DNAJC24: variants seen among roughly 807,000 people sequenced by gnomAD.
DNAJC24 encodes the protein DnaJ heat shock protein family (Hsp40) member C24, also known as dnaJ homolog subfamily C member 24.
Under a neutral mutation model 18.0 loss-of-function variants are expected in DNAJC24, and 17 were observed. The observed-to-expected ratio is 0.94, with a 90% CI of 0.65 to 1.42. DNAJC24 has a LOEUF of 1.42. Among genes scored for constraint, DNAJC24 ranks in the 40% most tolerant of loss-of-function variants. DNAJC24 has a pLI of 0.00. For synonymous variants in DNAJC24, 55 were observed against 57.7 expected, an observed-to-expected ratio of 0.95 and a Z score of 0.21; for missense variants, 158 against 175.6, an observed-to-expected ratio of 0.90 and a Z score of 0.57.
At chr11:31,378,364 ACT>A (rs35361994) in intron 2 of DNAJC24, among the ~76,000 whole-genome samples, 15,011 of 152,114 alleles carry the variant, frequency 0.099, 2,058 homozygotes, top group African/African-American at 0.31. Flanking sequence ...TCATAGGGAG[ACT>A]CTATCATAAA....
intron 2 of DNAJC24, among the ~76,000 whole-genome samples, chr11:31,382,907 G>C (rs1201578172): frequency 6.6e-6 from 1 of 152,120 alleles, no homozygotes; most frequent in African/African-American, 2.4e-5. Context: ...CTGACTGGCT[G>C]TAAATCTGGG....
At chr11:31,418,260 C>G in intron 3 of DNAJC24, among the ~76,000 whole-genome samples, 1 of 152,050 alleles carries the variant, frequency 6.6e-6, no homozygotes, top group Non-Finnish European at 1.5e-5. Flanking sequence ...GGAGATTGAC[C>G]TACTGTTTAG....
intron 2 of DNAJC24, among the ~76,000 whole-genome samples, chr11:31,377,430 C>T (rs574604739): frequency 2.6e-5 from 4 of 152,166 alleles, no homozygotes; most frequent in Non-Finnish European, 5.9e-5. Flanking sequence ...ATACATATTA[C>T]ATATTATAGA....
At chr11:31,415,238 A>G in intron 3 of DNAJC24, 1 of 240,296 alleles carries the variant, frequency 4.2e-6, no homozygotes, top group Non-Finnish European at 8.0e-6. Flanking sequence ...TATGCTTTAT[A>G]TGTTTAAAAA....
chr11:31,410,027 G>T (rs1324825289), intron 2 of DNAJC24, among the ~76,000 whole-genome samples: 2 of 149,692 alleles, frequency 1.3e-5, no homozygotes, highest in African/African-American at 4.9e-5. Context: ...GGGACTACTG[G>T]TGCGTGCCAC....
intron 2 of DNAJC24, among the ~76,000 whole-genome samples, chr11:31,383,212 AT>A (rs1265607041): frequency 6.6e-6 from 1 of 151,638 alleles, no homozygotes; most frequent in Non-Finnish European, 1.5e-5. Flanking sequence ...GCTGCTGGTG[AT>A]CTGCTCAACC....
intron 2 of DNAJC24, among the ~76,000 whole-genome samples, chr11:31,398,823 A>T (rs1952570191): frequency 6.6e-6 from 1 of 152,206 alleles, no homozygotes; most frequent in Non-Finnish European, 1.5e-5. Flanking sequence ...GAGCCCCTCT[A>T]TAGGATCTGT....
At chr11:31,428,420 G>C (rs1161135435) in intron 4 of DNAJC24, among the ~76,000 whole-genome samples, 1 of 152,128 alleles carries the variant, frequency 6.6e-6, no homozygotes, top group African/African-American at 2.4e-5. Context: ...TGGAAGTTTT[G>C]AGCTAAATTT....
intron 2 of DNAJC24, among the ~76,000 whole-genome samples, chr11:31,376,080 G>GTGATGC (rs1381775318): frequency 0.15 from 21,719 of 141,844 alleles, 3,932 homozygotes; most frequent in Non-Finnish European, 0.22. Context: ...CCCCCATATT[G>GTGATGC]TTCTCCTCAT....
In DNAJC24 at chr11:31,418,150, A is replaced by C. The variant is rs72889909; in HGVS notation, c.250+3201A>C. ...ATCAATTAGTTCTAGTTGGCATATT[A>C]AACTTATTGTTTCTGAGGATGCCTC... On this transcript the variant is annotated intron_variant, in intron 3 of 4. Transcript: ENST00000465995. 4.0e-3 allele frequency among the ~76,000 whole-genome samples: 607 copies of C among 152,220 alleles called. 2 individuals are homozygous for C. The highest frequency in any genetic ancestry group is 7.0e-3 in the South Asian group (34 of 4,832).
chr11:31,379,073 T>C (rs2133468860), intron 2 of DNAJC24, among the ~76,000 whole-genome samples: 1 of 152,228 alleles, frequency 6.6e-6, no homozygotes, highest in African/African-American at 2.4e-5. Context: ...CCAGCTCTGG[T>C]ATTTGTTCTT....
intron 2 of DNAJC24, among the ~76,000 whole-genome samples, chr11:31,391,949 A>G (rs963851254): frequency 1.3e-5 from 2 of 152,176 alleles, no homozygotes; most frequent in Non-Finnish European, 2.9e-5. Context: ...TTGCAACAAC[A>G]TGCATGGAAA....
intron 2 of DNAJC24, among the ~76,000 whole-genome samples, chr11:31,394,922 T>G (rs1353531592): frequency 1.3e-5 from 2 of 152,224 alleles, no homozygotes; most frequent in African/African-American, 4.8e-5. Flanking sequence ...TATAACATTA[T>G]TGCAGGTTAC....
intron 4 of DNAJC24, chr11:31,429,352 G>C (rs1322423741): frequency 4.1e-6 from 1 of 241,264 alleles, no homozygotes; most frequent in East Asian, 9.2e-5. Flanking sequence ...TGCGATCTAA[G>C]TATTAATCAA....
intron 2 of DNAJC24, among the ~76,000 whole-genome samples, chr11:31,386,839 A>G (rs1176416621): frequency 6.6e-6 from 1 of 152,034 alleles, no homozygotes; most frequent in African/African-American, 2.4e-5. Flanking sequence ...ACATCACTGG[A>G]CCTTCCCTGG....
rs1405898142 is a variant in DNAJC24 at position 31,383,427 on chromosome 11, G to A, written c.111+12568G>A. On this transcript the variant is annotated intron_variant, in intron 2 of 4. Coordinates refer to ENST00000465995, the MANE Select transcript of DNAJC24 (RefSeq NM_181706.5). Reference sequence around the variant, plus strand: ...TTAGGAGCTGTTTGCCAGGAACTAGGGGCAGAGACCAAATACATGTATTTC... The same window carrying A: ...TTAGGAGCTGTTTGCCAGGAACTAGAGGCAGAGACCAAATACATGTATTTC... 1.3e-5 allele frequency among the ~76,000 whole-genome samples: 2 copies of A among 152,078 alleles called. 1 individual carries two copies. The highest frequency in any genetic ancestry group is 2.9e-5 in the Non-Finnish European group (2 of 68,016).
intron 4 of DNAJC24, chr11:31,427,044 ATACT>A (rs1053171528): frequency 6.6e-6 from 1 of 152,160 alleles, no homozygotes; most frequent in African/African-American, 2.4e-5. Flanking sequence ...CATGAGTACC[ATACT>A]TACTTGTTTC....
rs3979423 is a variant in DNAJC24 at position 31,403,125 on chromosome 11, ATGTGTGTGTGTGTGTG to A, written c.112-11666_112-11651del. 3.4e-5 allele frequency among the ~76,000 whole-genome samples: 5 copies of A among 146,566 alleles called. No homozygotes were observed. The South Asian group carries it at 8.9e-4, about 26-fold the overall frequency. ...CTTTTCAGTTAATATGCATATATGC[ATGTGTGTGTGTGTGTG>A]TGTGTGTGTGTGTGTGTGTATCATT... On this transcript the variant is annotated intron_variant, in intron 2 of 4. Coordinates refer to ENST00000465995, the MANE Select transcript of DNAJC24 (RefSeq NM_181706.5).
intron 4 of DNAJC24, among the ~76,000 whole-genome samples, chr11:31,428,230 A>G (rs188056809): frequency 6.6e-6 from 1 of 152,252 alleles, no homozygotes; most frequent in East Asian, 1.9e-4. Context: ...TTGACAGTAA[A>G]GAAGATATAG....
Sources: gnomAD v4.1 joint callset for allele counts (sites outside exome capture counted in the v4.1 genomes callset) on GRCh38, gnomAD v4.1.1 for gene constraint, MANE v1.5 for transcripts, NCBI Gene and HGNC (gene_info 2026-07-23, HGNC 2026-07-21) for gene names.